The following PGAP1 variants were observed in gnomAD, a reference collection of about 807,000 sequenced individuals.
PGAP1 encodes the protein post-GPI attachment to proteins inositol deacylase 1, also known as GPI inositol-deacylase.
PGAP1 carries 76 observed loss-of-function variants against 127.0 expected under a neutral mutation model. That is an observed-to-expected ratio of 0.60 (90% CI 0.50 to 0.72). The LOEUF (loss-of-function observed/expected upper bound fraction) is 0.72, where lower values mean the gene tolerates loss of function less well. Ranked by LOEUF, PGAP1 falls within the 30% of genes least tolerant of loss-of-function variation. The probability of loss-of-function intolerance (pLI) is 0.00; values close to 1 mark genes in which losing one functional copy is unlikely to be tolerated. For missense variants in PGAP1, 982 were observed against 1,071.3 expected (o/e 0.92, Z 1.16); for synonymous variants, 362 against 366.5 (o/e 0.99, Z 0.14).
Position 196,840,989 on chromosome 2 carries a change from A to T in PGAP1, c.*245T>A, listed in dbSNP as rs1258558231. On this transcript the variant is annotated 3_prime_UTR_variant, in exon 27 of 27. Coordinates refer to ENST00000354764, the MANE Select transcript of PGAP1 (RefSeq NM_024989.4). ...TGCACAGGAGTCCTCAATGATAGTGATCACCATATATCCCTTCATGAATTT... is the reference window on the plus strand; with the variant it reads ...TGCACAGGAGTCCTCAATGATAGTGTTCACCATATATCCCTTCATGAATTT... 4 of 365,526 alleles carry T rather than the reference A, an allele frequency of 1.1e-5. No individual in the cohort carries two copies. The highest frequency in any genetic ancestry group is 1.5e-5 in the Non-Finnish European group (3 of 204,074). The allele number at this position is 365,526 out of a possible 1,614,324, so 22.6% of individuals were successfully genotyped here.
At chr2:196,871,551 A>T (rs555762437) in intron 18 of PGAP1, among the ~76,000 whole-genome samples, 1 of 152,146 alleles carries the variant, frequency 6.6e-6, no homozygotes, top group Non-Finnish European at 1.5e-5. Context: ...TAATATTATA[A>T]ATATGAACAT....
chr2:196,925,393 T>C (rs1320206038), intron 1 of PGAP1, among the ~76,000 whole-genome samples: 2 of 152,234 alleles, frequency 1.3e-5, no homozygotes, highest in Non-Finnish European at 2.9e-5. Context: ...AAGAGTATAC[T>C]AAAAATGTAT....
chr2:196,892,346 G>T lies in PGAP1; in HGVS notation c.1089C>A (p.Asn363Lys). The change falls in exon 9 of 27, where the codon AAC becomes AAA. Residue 363 changes from asparagine to lysine, a missense_variant and splice_region_variant. Asn to Lys is a moderately conservative substitution (Grantham distance 94). Coordinates refer to ENST00000354764, the MANE Select transcript of PGAP1 (RefSeq NM_024989.4). ...AAAAATCCATTGGTGGAATACTTAC[G>T]TTGTAAGCTACATAGGTCCATTTGG... ...KVSKWTYVAY[N>K]ESEKIYFTFP... 7.1e-7 allele frequency: 1 copy of T among 1,404,262 alleles called. No individual in the cohort carries two copies. Among genetic ancestry groups the T allele is most frequent in the Non-Finnish European group, 9.8e-7 (1 of 1,018,632 alleles). 87.0% of individuals were successfully genotyped at this position (1,404,262 alleles called of 1,614,324 possible).
intron 4 of PGAP1, among the ~76,000 whole-genome samples, chr2:196,906,886 AGG>A (rs1702738129): frequency 8.5e-6 from 1 of 117,840 alleles, no homozygotes; most frequent in African/African-American, 3.6e-5. Flanking sequence ...TGAAGCGAGA[AGG>A]GAAGTTTAGA....
chr2:196,842,754 A>T lies in PGAP1; in HGVS notation c.2597T>A (p.Leu866His). Residue 866 changes from leucine (L) to histidine (H), a missense_variant, in exon 26 of 27, where the codon CTT becomes CAT. Physicochemically the swap from Leu to His is moderately conservative, Grantham distance 99. Coordinates refer to ENST00000354764, the MANE Select transcript of PGAP1 (RefSeq NM_024989.4). ...TATTGAAACAGTGTAAGTATTTCCA[A>T]GAATTGCCATAGTCGGAATAAGGAT... is the stretch of plus-strand genomic sequence containing the variant. ...AFILIPTMAI[L>H]GNTYTVSIKS... is the part of the protein sequence containing the mutation. The T allele has an allele frequency of 6.3e-7, 1 of 1,583,278 alleles. No homozygotes were observed. The highest frequency in any genetic ancestry group is 8.6e-7 in the Non-Finnish European group (1 of 1,160,356).
chr2:196,881,571 C>T (rs557336374), intron 12 of PGAP1, among the ~76,000 whole-genome samples: 3 of 152,190 alleles, frequency 2.0e-5, no homozygotes, highest in Non-Finnish European at 2.9e-5. Flanking sequence ...CTGACTGGTG[C>T]GAGATAGTAT....
At chr2:196,865,782 C>T (rs1360277171) in intron 19 of PGAP1, among the ~76,000 whole-genome samples, 1 of 151,994 alleles carries the variant, frequency 6.6e-6, no homozygotes, top group African/African-American at 2.4e-5. Context: ...TATCAGCTCT[C>T]TATAAAATAC....
At chr2:196,855,140 T>A (rs1409907896) in intron 20 of PGAP1, among the ~76,000 whole-genome samples, 1 of 151,550 alleles carries the variant, frequency 6.6e-6, no homozygotes, top group Non-Finnish European at 1.5e-5. Flanking sequence ...CTGGGCAACA[T>A]GATGAAACCC....
At chr2:196,868,596 C>CTGGA (rs1701316876) in intron 19 of PGAP1, among the ~76,000 whole-genome samples, 1 of 152,224 alleles carries the variant, frequency 6.6e-6, no homozygotes, top group East Asian at 1.9e-4. Flanking sequence ...TCTGGCAACA[C>CTGGA]TGGACTTCAT....
chr2:196,873,844 G>T, intron 14 of PGAP1, 86 bp from the exon 15 acceptor site: 1 of 887,678 alleles, frequency 1.1e-6, no homozygotes, highest in Non-Finnish European at 1.8e-6. Flanking sequence ...TTAAGACAAT[G>T]CCAATAATTA....
Position 196,836,328 on chromosome 2 carries a change from C to CTTA in PGAP1, c.*4905_*4906insTAA, listed in dbSNP as rs1700235500. 6.6e-6 allele frequency: 1 copy of CTTA among 152,620 alleles called. No homozygotes were observed. Among genetic ancestry groups the CTTA allele is most frequent in the South Asian group, 2.1e-4 (1 of 4,824 alleles). The allele number at this position is 152,620 out of a possible 1,614,324, so 9.5% of individuals were successfully genotyped here. On this transcript the variant is annotated 3_prime_UTR_variant, in exon 27 of 27. Transcript: ENST00000354764. The stretch of plus-strand genomic sequence containing the variant: ...AGACAATTAAGACAGCTTAGAATAT[C>CTTA]ACCTTTTGAAGGACATGTTATGAAT...
At chr2:196,924,260 G>C (rs1207186740) in intron 1 of PGAP1, among the ~76,000 whole-genome samples, 1 of 152,046 alleles carries the variant, frequency 6.6e-6, no homozygotes, top group Non-Finnish European at 1.5e-5. Flanking sequence ...AAAAAGAAAG[G>C]CATCAAAAGA....
intron 5 of PGAP1, among the ~76,000 whole-genome samples, chr2:196,898,977 T>C (rs981029766): frequency 6.6e-6 from 1 of 150,830 alleles, no homozygotes; most frequent in African/African-American, 2.4e-5. Flanking sequence ...TAGTAAAATA[T>C]ACAAGGACAA....
rs907279039 is a variant in PGAP1 at position 196,834,480 on chromosome 2, G to T, written c.*6754C>A. 2 of 152,492 alleles carry T rather than the reference G, an allele frequency of 1.3e-5. No individual in the cohort carries two copies. The highest frequency in any genetic ancestry group is 2.4e-5 in the African/African-American group (1 of 41,536). The allele number at this position is 152,492 out of a possible 1,614,324, so 9.4% of individuals were successfully genotyped here. ...AGGCACACTCTGTTTTATCCCAAAT[G>T]ACTATAAGTTCAAGGTCACAGTGAT... On this transcript the variant is annotated 3_prime_UTR_variant, in exon 27 of 27. Transcript: ENST00000354764.
At chr2:196,859,976 A>G (rs1701010325) in intron 20 of PGAP1, among the ~76,000 whole-genome samples, 1 of 152,142 alleles carries the variant, frequency 6.6e-6, no homozygotes, top group Non-Finnish European at 1.5e-5. Flanking sequence ...TGTTTTCACT[A>G]CTTATTCAAT....
In PGAP1 at chr2:196,833,956, G is replaced by C. The variant is rs1700165590; in HGVS notation, c.*7278C>G. The C allele has an allele frequency of 6.6e-6, 1 of 151,204 alleles. No homozygotes were observed. The highest frequency in any genetic ancestry group is 2.4e-5 in the African/African-American group (1 of 41,160). The allele number at this position is 151,204 out of a possible 1,614,324, so 9.4% of individuals were successfully genotyped here. A position where few individuals can be genotyped will look rare whatever the true frequency, so the allele number is the denominator to read the frequency against. ...AGAAAAAAGAGAAGGAAAAATGAGA[G>C]GAAATAATGTTTTAAAATATACTAC... On this transcript the variant is annotated 3_prime_UTR_variant, in exon 27 of 27. Transcript: ENST00000354764.
Position 196,841,233 on chromosome 2 carries a change from C to T in PGAP1, c.*1G>A, listed in dbSNP as rs1355329310. ...ATCTTCATCATTCCTTAAGTCCAAT[C>T]TTACATAAAGTTGCATAATGCATGG... On this transcript the variant is annotated 3_prime_UTR_variant, in exon 27 of 27. Coordinates refer to ENST00000354764, the MANE Select transcript of PGAP1 (RefSeq NM_024989.4). 6.2e-7 allele frequency: 1 copy of T among 1,610,894 alleles called. No homozygotes were observed. The highest frequency in any genetic ancestry group is 1.1e-5 in the South Asian group (1 of 90,322).
intron 20 of PGAP1, among the ~76,000 whole-genome samples, chr2:196,849,135 A>G (rs892238930): frequency 3.9e-5 from 6 of 152,196 alleles, no homozygotes; most frequent in East Asian, 1.9e-4. Flanking sequence ...TGTACATTCT[A>G]TATGTCTGAG....
chr2:196,922,558 G>C (rs1339248170), intron 1 of PGAP1: 10 of 929,626 alleles, frequency 1.1e-5, no homozygotes, highest in Non-Finnish European at 9.9e-6. Context: ...AGTTCATACT[G>C]CTAACACACA....
Sources: gnomAD v4.1 joint callset for allele counts (sites outside exome capture counted in the v4.1 genomes callset) on GRCh38, gnomAD v4.1.1 for gene constraint, MANE v1.5 for transcripts, NCBI Gene and HGNC (gene_info 2026-07-23, HGNC 2026-07-21) for gene names.